The following ARHGEF3 variants were observed in gnomAD, a reference collection of about 807,000 sequenced individuals.
ARHGEF3 encodes the protein Rho guanine nucleotide exchange factor 3.
Under a neutral mutation model 63.2 loss-of-function variants are expected in ARHGEF3, and 28 were observed. The observed-to-expected ratio is 0.44, with a 90% CI of 0.33 to 0.61. ARHGEF3 has a LOEUF of 0.61. ARHGEF3 is among the 20% of genes least tolerant of loss of function. The pLI is 0.03. For synonymous variants in ARHGEF3, 266 were observed against 254.2 expected (o/e 1.05, Z -0.44); for missense variants, 533 against 659.3 (o/e 0.81, Z 2.10).
intron 2 of ARHGEF3, among the ~76,000 whole-genome samples, chr3:56,771,019 A>T (rs1287882336): frequency 6.6e-6 from 1 of 151,984 alleles, no homozygotes; most frequent in Non-Finnish European, 1.5e-5. Context: ...AGGCTGAGGC[A>T]GGAGAATCGC....
chr3:56,943,177 C>T (rs528624627), intron 3 of ARHGEF3, among the ~76,000 whole-genome samples: 1 of 152,330 alleles, frequency 6.6e-6, no homozygotes, highest in South Asian at 2.1e-4. Flanking sequence ...CCAGCTAGAG[C>T]TTTCCTAGCT....
chr3:56,949,798 A>T (rs1335808125), intron 3 of ARHGEF3, among the ~76,000 whole-genome samples: 3 of 152,188 alleles, frequency 2.0e-5, no homozygotes, highest in East Asian at 3.9e-4. Context: ...TTCATATGGA[A>T]CCAAAAAGGA....
At chr3:56,778,022 G>A (rs577913249) in intron 1 of ARHGEF3, among the ~76,000 whole-genome samples, 167 of 152,228 alleles carry the variant, frequency 1.1e-3, no homozygotes, top group African/African-American at 4.0e-3. Context: ...GGTGGTGTGT[G>A]GAAACTGTAC....
intron 2 of ARHGEF3, among the ~76,000 whole-genome samples, chr3:56,980,614 G>A (rs552009600): frequency 1.5e-4 from 23 of 152,328 alleles, no homozygotes; most frequent in African/African-American, 4.8e-4. Context: ...TATGTAAAGT[G>A]CATGTTAGCT....
chr3:57,059,665 G>T (rs1705114881), intron 1 of ARHGEF3, among the ~76,000 whole-genome samples: 2 of 152,190 alleles, frequency 1.3e-5, no homozygotes, highest in Non-Finnish European at 2.9e-5. Context: ...AAGTAGGACT[G>T]AAATGACTGC....
At chr3:56,866,351 G>C (rs968077007) in intron 4 of ARHGEF3, among the ~76,000 whole-genome samples, 1 of 152,126 alleles carries the variant, frequency 6.6e-6, no homozygotes, top group African/African-American at 2.4e-5. Flanking sequence ...AGTAAAACAA[G>C]CTAAACACAC....
chr3:57,031,868 C>G (rs1341132701), intron 2 of ARHGEF3, among the ~76,000 whole-genome samples: 1 of 152,136 alleles, frequency 6.6e-6, no homozygotes, highest in Non-Finnish European at 1.5e-5. Flanking sequence ...ATGAACTTGG[C>G]AATCATTTCA....
At chr3:56,848,959 G>A (rs1411407586) in intron 4 of ARHGEF3, among the ~76,000 whole-genome samples, 1 of 152,162 alleles carries the variant, frequency 6.6e-6, no homozygotes, top group African/African-American at 2.4e-5. Context: ...GTGAGCCACC[G>A]CACCTGGCCC....
At chr3:56,916,294 C>T in intron 3 of ARHGEF3, 5 of 1,534,674 alleles carry the variant, frequency 3.3e-6, no homozygotes, top group Non-Finnish European at 4.4e-6. Context: ...CCAGGCTCAG[C>T]AGCAGGGGGC....
chr3:56,915,655 G>T (rs2041968837), intron 3 of ARHGEF3, among the ~76,000 whole-genome samples: 1 of 151,996 alleles, frequency 6.6e-6, no homozygotes. Flanking sequence ...ACCAAAAAAC[G>T]ATGTTCTTAA....
At chr3:56,848,133 T>G (rs1421073999) in intron 4 of ARHGEF3, among the ~76,000 whole-genome samples, 1 of 152,132 alleles carries the variant, frequency 6.6e-6, no homozygotes, top group Non-Finnish European at 1.5e-5. Flanking sequence ...TAAGCTACCT[T>G]AGGGTTTTAT....
intron 2 of ARHGEF3, among the ~76,000 whole-genome samples, chr3:56,959,427 G>A (rs375056035): frequency 2.6e-5 from 4 of 152,260 alleles, no homozygotes; most frequent in African/African-American, 7.2e-5. Flanking sequence ...TTCCTTAGAG[G>A]CAGTGGAGGC....
Position 57,026,637 on chromosome 3 carries a change from C to T in ARHGEF3, c.62+8451G>A, listed in dbSNP as rs568243136. On this transcript the variant is annotated intron_variant, in intron 2 of 12. Transcript: ENST00000338458. ...GCTGTTTTAGGTGCCACCATCTACC[C>T]TACCTGGACAGGGCCGGGGGAGCAT... Among the ~76,000 whole-genome samples the T allele has an allele frequency of 1.7e-3, 259 of 152,308 alleles. 1 individual carries two copies. Among genetic ancestry groups the T allele is most frequent in the South Asian group, 2.5e-3 (12 of 4,830 alleles).
chr3:56,753,601 C>T (rs898122966), intron 3 of ARHGEF3, 35 bp from the exon 4 acceptor site: 1 of 1,590,162 alleles, frequency 6.3e-7, no homozygotes, highest in African/African-American at 1.3e-5. Flanking sequence ...ACTGAATTCT[C>T]CCTTCATTTA....
At chr3:56,781,446 C>CAA (rs1553753447) in intron 1 of ARHGEF3, among the ~76,000 whole-genome samples, 2 of 151,534 alleles carry the variant, frequency 1.3e-5, no homozygotes, top group Non-Finnish European at 2.9e-5. Flanking sequence ...AGGGTTTCAC[C>CAA]ATGTTGGCCA....
chr3:56,844,191 A>C (rs1218295979), intron 4 of ARHGEF3, among the ~76,000 whole-genome samples: 1 of 152,250 alleles, frequency 6.6e-6, no homozygotes, highest in African/African-American at 2.4e-5. Context: ...TTTTCAGTTT[A>C]TGCTCAAAAA....
intron 4 of ARHGEF3, among the ~76,000 whole-genome samples, chr3:56,855,377 T>C (rs1255853581): frequency 2.6e-5 from 4 of 152,162 alleles, no homozygotes; most frequent in Non-Finnish European, 5.9e-5. Flanking sequence ...AAATGGCCTT[T>C]ACTGATGCAA....
At chr3:56,889,836 C>T (rs1350428779) in intron 3 of ARHGEF3, among the ~76,000 whole-genome samples, 4 of 152,102 alleles carry the variant, frequency 2.6e-5, no homozygotes, top group Admixed American at 1.3e-4. Context: ...CCGAGATGGG[C>T]GGATCACCTG....
intron 4 of ARHGEF3, among the ~76,000 whole-genome samples, chr3:56,845,508 A>C (rs1559987233): frequency 6.6e-6 from 1 of 152,210 alleles, no homozygotes; most frequent in Non-Finnish European, 1.5e-5. Flanking sequence ...TGAGTCCTAC[A>C]GCATTATTCT....
Sources: allele counts gnomAD v4.1 joint callset (sites outside exome capture counted in the v4.1 genomes callset), GRCh38; gene constraint gnomAD v4.1.1; transcripts MANE v1.5; gene names NCBI Gene and HGNC (gene_info 2026-07-23, HGNC 2026-07-21).